Variants in TBC1D19 observed in about 807,000 individuals in gnomAD.
The protein encoded by TBC1D19 is TBC1 domain family, member 19.
Under a neutral mutation model 89.0 loss-of-function variants are expected in TBC1D19, and 60 were observed. The observed-to-expected ratio is 0.67, with a 90% CI of 0.55 to 0.84. The LOEUF is 0.84. Ranked by LOEUF, TBC1D19 falls within the 40% of genes least tolerant of loss-of-function variation. The pLI is 0.00. For missense variants in TBC1D19, 500 were observed against 610.8 expected (o/e 0.82, Z 1.91); for synonymous variants, 189 against 199.7 (o/e 0.95, Z 0.45).
intron 3 of TBC1D19, among the ~76,000 whole-genome samples, chr4:26,619,201 A>G (rs969986526): frequency 6.6e-6 from 1 of 151,594 alleles, no homozygotes; most frequent in African/African-American, 2.4e-5. Context: ...TTTTAATCCT[A>G]AATTTCTTTT....
intron 13 of TBC1D19, among the ~76,000 whole-genome samples, chr4:26,700,448 CT>C (rs2109207723): frequency 6.6e-6 from 1 of 151,968 alleles, no homozygotes; most frequent in South Asian, 2.1e-4. Flanking sequence ...TCTTTGTGGC[CT>C]TAGGCAATTC....
intron 15 of TBC1D19, among the ~76,000 whole-genome samples, chr4:26,726,966 C>G (rs1717359401): frequency 6.6e-6 from 1 of 152,192 alleles, no homozygotes; most frequent in South Asian, 2.1e-4. Context: ...CATAAATCAT[C>G]ACTTTATAAA....
the TBC1D19 span, among the ~76,000 whole-genome samples, chr4:26,787,125 T>C: frequency 1.4e-5 from 2 of 144,576 alleles, no homozygotes; most frequent in Non-Finnish European, 1.5e-5. Context: ...TTTTTTGAGA[T>C]GGAATCTTAC....
At chr4:26,821,286 A>G in the TBC1D19 span, among the ~76,000 whole-genome samples, 82 of 152,328 alleles carry the variant, frequency 5.4e-4, no homozygotes, top group African/African-American at 1.9e-3. Context: ...TGTCTTTGAA[A>G]TCATTTGGCA....
At chr4:26,801,203 T>A in the TBC1D19 span, among the ~76,000 whole-genome samples, 6 of 152,160 alleles carry the variant, frequency 3.9e-5, no homozygotes, top group Non-Finnish European at 7.3e-5. Context: ...AAGGAAGGGA[T>A]CCAGTTTCAG....
At chr4:26,762,593 G>A in the TBC1D19 span, among the ~76,000 whole-genome samples, 1 of 152,068 alleles carries the variant, frequency 6.6e-6, no homozygotes, top group Non-Finnish European at 1.5e-5. Context: ...AAAAATAATG[G>A]TTCCTCAAAG....
At chr4:26,636,513 A>AT (rs1743143693) in intron 4 of TBC1D19, among the ~76,000 whole-genome samples, 1 of 150,694 alleles carries the variant, frequency 6.6e-6, no homozygotes, top group East Asian at 1.9e-4. Flanking sequence ...AAAGAAGAAT[A>AT]GAGAGATTCT....
intron 4 of TBC1D19, among the ~76,000 whole-genome samples, chr4:26,623,272 T>G (rs1328073727): frequency 6.6e-6 from 1 of 152,228 alleles, no homozygotes; most frequent in East Asian, 1.9e-4. Flanking sequence ...TTTTGACTAC[T>G]TCAAGAGAAA....
At chr4:26,587,211 T>C (rs1739468177) in intron 1 of TBC1D19, among the ~76,000 whole-genome samples, 1 of 152,328 alleles carries the variant, frequency 6.6e-6, no homozygotes, top group South Asian at 2.1e-4. Context: ...TATGATGCAT[T>C]ATTCTTTTTA....
chr4:26,676,260 C>G (rs1712794724), intron 11 of TBC1D19, among the ~76,000 whole-genome samples: 1 of 152,196 alleles, frequency 6.6e-6, no homozygotes, highest in East Asian at 1.9e-4. Context: ...CTGACCTTCA[C>G]TCTCTTCAGT....
intron 18 of TBC1D19, among the ~76,000 whole-genome samples, chr4:26,744,300 A>G (rs561604587): frequency 2.6e-5 from 4 of 151,740 alleles, no homozygotes; most frequent in Non-Finnish European, 5.9e-5. Context: ...AGGTTTATCA[A>G]TTTTATTCAT....
At position 26,587,576 on chromosome 4, in the gene TBC1D19, C is replaced by CA. The variant is rs34107105; in HGVS notation, c.99+3301dup. Among the ~76,000 whole-genome samples, 33 of 118,992 alleles carry CA rather than the reference C, an allele frequency of 2.8e-4. No individual in the cohort carries two copies. In the East Asian group the frequency reaches 7.2e-3, roughly 26 times the overall value. 78.1% of individuals were successfully genotyped at this position (118,992 alleles called of 152,430 possible). On this transcript the variant is annotated intron_variant, in intron 1 of 20. Transcript: ENST00000264866. ...TGGGTGATAGAGCCAGACCTTGTCT[C>CA]AAAAAAAAAAAAAAAAAGATATTTC... is the stretch of plus-strand genomic sequence containing the variant.
At chr4:26,771,928 A>G in the TBC1D19 span, among the ~76,000 whole-genome samples, 2 of 152,194 alleles carry the variant, frequency 1.3e-5, no homozygotes, top group Non-Finnish European at 2.9e-5. Context: ...CAAAAACAGT[A>G]GTGTCATTAA....
the TBC1D19 span, among the ~76,000 whole-genome samples, chr4:26,792,198 A>T: frequency 6.6e-6 from 1 of 152,028 alleles, no homozygotes; most frequent in Non-Finnish European, 1.5e-5. Context: ...GTTGTGTGTA[A>T]CGTAATTAGT....
the TBC1D19 span, among the ~76,000 whole-genome samples, chr4:26,839,801 G>A: frequency 1.3e-5 from 2 of 152,142 alleles, no homozygotes; most frequent in African/African-American, 4.8e-5. Context: ...CATTGCACAT[G>A]CAATGCAGAC....
the TBC1D19 span, among the ~76,000 whole-genome samples, chr4:26,854,893 G>A: frequency 2.0e-5 from 3 of 152,342 alleles, no homozygotes; most frequent in Middle Eastern, 3.4e-3. Context: ...TTCTCTGGCA[G>A]CTGCCTGGAG....
At chr4:26,640,744 A>G (rs1349110853) in intron 7 of TBC1D19, among the ~76,000 whole-genome samples, 1 of 152,230 alleles carries the variant, frequency 6.6e-6, no homozygotes, top group Non-Finnish European at 1.5e-5. Flanking sequence ...ACGGCACACC[A>G]GGAGGTTATA....
At chr4:26,794,792 C>G in the TBC1D19 span, among the ~76,000 whole-genome samples, 1 of 152,246 alleles carries the variant, frequency 6.6e-6, no homozygotes, top group Non-Finnish European at 1.5e-5. Context: ...AAAAAAACAG[C>G]AGATTAATTA....
chr4:26,595,475 G>T (rs545184781), intron 1 of TBC1D19, among the ~76,000 whole-genome samples: 1 of 152,236 alleles, frequency 6.6e-6, no homozygotes, highest in South Asian at 2.1e-4. Flanking sequence ...ATTGTGTCTA[G>T]AAATTAATAG....
Sources: gnomAD v4.1 joint callset for allele counts (sites outside exome capture counted in the v4.1 genomes callset) on GRCh38, gnomAD v4.1.1 for gene constraint, MANE v1.5 for transcripts, NCBI Gene and HGNC (gene_info 2026-07-23, HGNC 2026-07-21) for gene names.